Variants in TGFBR2 observed in about 807,000 individuals in gnomAD.
TGFBR2 encodes the protein TGF-beta receptor type-2.
In TGFBR2, 18 loss-of-function variants were observed where a neutral mutation model predicts 49.0. That is an observed-to-expected ratio of 0.37 (90% confidence interval 0.25 to 0.54). The LOEUF (loss-of-function observed/expected upper bound fraction) is 0.54, where lower values mean the gene tolerates loss of function less well. TGFBR2 is among the 20% of genes least tolerant of loss of function. TGFBR2 has a pLI of 0.85. For synonymous variants in TGFBR2, 282 were observed against 275.9 expected (o/e 1.02, Z -0.22); for missense variants, 525 against 722.6 (o/e 0.73, Z 3.13).
intron 1 of TGFBR2, among the ~76,000 whole-genome samples, chr3:30,642,181 T>C (rs1035374365): frequency 1.3e-4 from 20 of 152,180 alleles, no homozygotes; most frequent in African/African-American, 4.6e-4. Context: ...AGAATTTCTA[T>C]CTGAGGTGTG....
chr3:30,644,630 T>C, intron 1 of TGFBR2, 117 bp from the exon 2 acceptor site: 1 of 992,326 alleles, frequency 1.0e-6, no homozygotes, highest in African/African-American at 1.6e-5. Flanking sequence ...TTTGCCTTTC[T>C]TCAGATTCAT....
At chr3:30,654,949 G>A (rs1698966903) in intron 3 of TGFBR2, among the ~76,000 whole-genome samples, 1 of 152,198 alleles carries the variant, frequency 6.6e-6, no homozygotes, top group Non-Finnish European at 1.5e-5. Context: ...TTAGGTAAGA[G>A]AGAAACGGTC....
chr3:30,614,089 C>A (rs906841281), intron 1 of TGFBR2, among the ~76,000 whole-genome samples: 1 of 143,352 alleles, frequency 7.0e-6, no homozygotes, highest in Non-Finnish European at 1.5e-5. Flanking sequence ...CTGAAGTGAA[C>A]TTTAGCTCTA....
intron 5 of TGFBR2, among the ~76,000 whole-genome samples, chr3:30,687,245 A>G (rs886135758): frequency 3.3e-5 from 5 of 152,224 alleles, no homozygotes; most frequent in African/African-American, 1.2e-4. Context: ...TGAATATACC[A>G]TCAGAGGAAA....
intron 1 of TGFBR2, among the ~76,000 whole-genome samples, chr3:30,631,188 G>C (rs1190921753): frequency 2.0e-5 from 3 of 151,864 alleles, no homozygotes; most frequent in Non-Finnish European, 4.4e-5. Context: ...CTACAGGCAC[G>C]CACCATCAAG....
At chr3:30,607,805 T>A (rs1697952369) in intron 1 of TGFBR2, among the ~76,000 whole-genome samples, 1 of 139,120 alleles carries the variant, frequency 7.2e-6, no homozygotes, top group African/African-American at 2.8e-5. Context: ...AAAAAATATA[T>A]ATATATATTA....
At chr3:30,678,140 C>T (rs542999274) in intron 5 of TGFBR2, among the ~76,000 whole-genome samples, 3 of 152,144 alleles carry the variant, frequency 2.0e-5, no homozygotes, top group Non-Finnish European at 4.4e-5. Flanking sequence ...TCTCTGTAGG[C>T]TCTGAGTCTG....
Position 30,614,803 on chromosome 3 carries a change from A to T in TGFBR2, c.94+7826A>T, listed in dbSNP as rs928371208. ...TGATTAGGCTGGGGTTGGAACCAAG[A>T]TGGTCTGGTTTGGGGATCTAGATTC... On this transcript the variant is annotated intron_variant, in intron 1 of 6. Coordinates refer to ENST00000295754, the MANE Select transcript of TGFBR2 (RefSeq NM_003242.6). Among the ~76,000 whole-genome samples, 11 of 152,152 alleles carry T rather than the reference A, an allele frequency of 7.2e-5. No homozygotes were observed. The East Asian group carries it at 9.6e-4, about 13-fold the overall frequency.
intron 6 of TGFBR2, among the ~76,000 whole-genome samples, chr3:30,690,969 G>C (rs992445423): frequency 6.6e-6 from 1 of 152,198 alleles, no homozygotes; most frequent in Non-Finnish European, 1.5e-5. Context: ...GGTGGAGAAG[G>C]CTGTGCCTTT....
At position 30,671,831 on chromosome 3, in the gene TGFBR2, T is replaced by A; in HGVS notation, c.648T>A (p.Cys216Ter). Residue 216 changes from cysteine to a stop codon, truncating the protein, a stop_gained, in exon 4 of 7, where the codon TGT becomes TGA. Transcript: ENST00000295754. LOFTEE classifies it high-confidence loss of function. ...TRKLMEFSEH[C>*]AIILEDDRSD... ...AGCTCATGGAGTTCAGCGAGCACTG[T>A]GCCATCATCCTGGAAGATGACCGCT... The A allele has an allele frequency of 6.2e-7, 1 of 1,614,188 alleles. No homozygotes were observed. Among genetic ancestry groups the A allele is most frequent in the Non-Finnish European group, 8.5e-7 (1 of 1,180,034 alleles).
At chr3:30,635,624 G>A (rs952411) in intron 1 of TGFBR2, among the ~76,000 whole-genome samples, 103,258 of 152,060 alleles carry the variant, frequency 0.68, 35,912 homozygotes, top group African/African-American at 0.84. Context: ...CTTGTAAATT[G>A]CATTTAAAAA....
intron 5 of TGFBR2, among the ~76,000 whole-genome samples, chr3:30,687,371 A>G (rs1365064163): frequency 1.3e-5 from 2 of 152,114 alleles, no homozygotes; most frequent in Non-Finnish European, 2.9e-5. Flanking sequence ...CTTTTTAAAC[A>G]ACTTTTTTTG....
chr3:30,674,317 C>A (rs1699395713), intron 5 of TGFBR2, 71 bp downstream of exon 5: 3 of 1,584,880 alleles, frequency 1.9e-6, no homozygotes. Flanking sequence ...TTGCTTCGAG[C>A]ATTATTCCAG....
chr3:30,685,711 C>G (rs1387121709), intron 5 of TGFBR2, among the ~76,000 whole-genome samples: 1 of 152,162 alleles, frequency 6.6e-6, no homozygotes, highest in Non-Finnish European at 1.5e-5. Context: ...GTCCACGAAT[C>G]TCTAGGATAG....
At chr3:30,657,512 A>G (rs1575150372) in intron 3 of TGFBR2, among the ~76,000 whole-genome samples, 2 of 152,200 alleles carry the variant, frequency 1.3e-5, no homozygotes, top group Admixed American at 1.3e-4. Flanking sequence ...TCTTGGGGTA[A>G]CTACTTGTTT....
At chr3:30,649,099 T>C (rs145404963) in intron 2 of TGFBR2, among the ~76,000 whole-genome samples, 224 of 152,266 alleles carry the variant, frequency 1.5e-3, no homozygotes, top group Middle Eastern at 6.8e-3. Context: ...GGCTCATGTG[T>C]GCACTCAGAA....
chr3:30,607,527 A>G (rs951650759), intron 1 of TGFBR2, among the ~76,000 whole-genome samples: 1 of 152,124 alleles, frequency 6.6e-6, no homozygotes, highest in Non-Finnish European at 1.5e-5. Context: ...AAAATAATCG[A>G]TTTCCAAAAG....
At chr3:30,618,877 C>CT (rs1698178588) in intron 1 of TGFBR2, among the ~76,000 whole-genome samples, 1 of 152,106 alleles carries the variant, frequency 6.6e-6, no homozygotes, top group Admixed American at 6.6e-5. Context: ...CCACTGTAGG[C>CT]TTTTTCATTG....
chr3:30,643,802 T>A (rs1698683671), intron 1 of TGFBR2, among the ~76,000 whole-genome samples: 1 of 152,202 alleles, frequency 6.6e-6, no homozygotes, highest in South Asian at 2.1e-4. Flanking sequence ...TGCAGATAGT[T>A]TGTGCAGACA....
Sources: allele counts gnomAD v4.1 joint callset (sites outside exome capture counted in the v4.1 genomes callset), GRCh38; gene constraint gnomAD v4.1.1; transcripts MANE v1.5; gene names NCBI Gene and HGNC (gene_info 2026-07-23, HGNC 2026-07-21).